Variants in CTPS2 observed in about 807,000 individuals in gnomAD.
CTPS2 encodes CTP synthase II.
Under a neutral mutation model 46.8 loss-of-function variants are expected in CTPS2, and 19 were observed. The ratio of observed to expected loss-of-function variants is 0.41; its 90% confidence interval spans 0.28 to 0.60. The LOEUF is 0.60. CTPS2 is among the 20% of genes least tolerant of loss of function. The pLI is 0.35. For synonymous variants in CTPS2, 151 were observed against 165.2 expected, an observed-to-expected ratio of 0.91 and a Z score of 0.66; for missense variants, 286 against 447.6, an observed-to-expected ratio of 0.64 and a Z score of 3.26.
intron 17 of CTPS2, among the ~76,000 whole-genome samples, chrX:16,601,997 A>T (rs1455484549): frequency 9.0e-6 from 1 of 111,429 alleles, no homozygotes; most frequent in Non-Finnish European, 1.9e-5. Flanking sequence ...TAGACAAAAG[A>T]TGGAGTGAAT....
rs1199773389 is a variant in CTPS2, at chrX:16,588,410, CAGA to C, written c.*1404_*1406del. ...GACATGGTTAAGCATTATGAGAGCA[CAGA>C]AGAACAATACAGAAAGGCCATTTTC... On this transcript the variant is annotated 3_prime_UTR_variant, in exon 19 of 19. Transcript: ENST00000359276. The C allele has an allele frequency of 1.8e-5, 2 of 111,816 alleles. No individual in the cohort carries two copies. Among genetic ancestry groups the C allele is most frequent in the African/African-American group, 6.5e-5 (2 of 30,714 alleles). 9.2% of individuals were successfully genotyped at this position (111,816 alleles called of 1,213,427 possible). A position where few individuals can be genotyped will look rare whatever the true frequency, so the allele number is the denominator to read the frequency against.
chrX:16,608,229 T>TAAA (rs1356686957), intron 17 of CTPS2, among the ~76,000 whole-genome samples: 54 of 109,022 alleles, frequency 5.0e-4, no homozygotes, highest in African/African-American at 1.8e-3. Context: ...AATAAATAAA[T>TAAA]TAATTTAATT....
At chrX:16,670,521 C>G in intron 11 of CTPS2, 59 bp downstream of exon 11, 1 of 908,789 alleles carries the variant, frequency 1.1e-6, no homozygotes, top group Non-Finnish European at 1.6e-6. Flanking sequence ...AGTGTTACCC[C>G]TCCTAGGTGT....
chrX:16,643,388 G>A (rs1206723533), intron 13 of CTPS2, among the ~76,000 whole-genome samples: 1 of 109,748 alleles, frequency 9.1e-6, no homozygotes, highest in Non-Finnish European at 1.9e-5. Flanking sequence ...TTTCCACTTT[G>A]TAGCATCGGG....
intron 13 of CTPS2, among the ~76,000 whole-genome samples, chrX:16,652,853 G>A (rs1394524728): frequency 1.8e-5 from 2 of 111,653 alleles, no homozygotes; most frequent in Non-Finnish European, 3.8e-5. Flanking sequence ...GCATGGTTTA[G>A]AATCTAGTAA....
At chrX:16,696,893 C>T in intron 4 of CTPS2, among the ~76,000 whole-genome samples, 1 of 62,450 alleles carries the variant, frequency 1.6e-5, no homozygotes, top group Non-Finnish European at 2.5e-5. Context: ...GCATTTAATC[C>T]CCAATCCTGT....
At chrX:16,619,112 C>A (rs1343619863) in intron 15 of CTPS2, among the ~76,000 whole-genome samples, 1 of 112,421 alleles carries the variant, frequency 8.9e-6, no homozygotes. Flanking sequence ...CCAAAAATGT[C>A]CTACATGTAC....
At chrX:16,705,792 G>A (rs771718321) in intron 1 of CTPS2, among the ~76,000 whole-genome samples, 31 of 110,554 alleles carry the variant, frequency 2.8e-4, no homozygotes, top group Non-Finnish European at 4.2e-4. Flanking sequence ...CCCTTTGCAG[G>A]CTGTTACAGC....
At chrX:16,685,458 T>C (rs759741036) in intron 8 of CTPS2, among the ~76,000 whole-genome samples, 1 of 110,546 alleles carries the variant, frequency 9.0e-6, no homozygotes, top group East Asian at 2.9e-4. Context: ...CACTCAGCCA[T>C]CAGCCATCAC....
At chrX:16,599,429 C>T (rs892256160) in intron 17 of CTPS2, among the ~76,000 whole-genome samples, 3 of 110,536 alleles carry the variant, frequency 2.7e-5, no homozygotes, top group African/African-American at 9.9e-5. Flanking sequence ...AAGACTTTAC[C>T]ACAATGGTCA....
chrX:16,617,926 G>A (rs1036146754), intron 15 of CTPS2, among the ~76,000 whole-genome samples: 2 of 111,688 alleles, frequency 1.8e-5, no homozygotes, highest in Admixed American at 1.9e-4. Context: ...ACCAGTTCTC[G>A]TATTGTCATT....
chrX:16,649,658 A>G (rs1403535352), intron 13 of CTPS2, among the ~76,000 whole-genome samples: 1 of 111,017 alleles, frequency 9.0e-6, no homozygotes, highest in African/African-American at 3.3e-5. Context: ...CACCTGGCTG[A>G]TTTTTTAAAT....
chrX:16,674,817 A>G (rs771868839), intron 10 of CTPS2, among the ~76,000 whole-genome samples: 4 of 106,664 alleles, frequency 3.8e-5, no homozygotes, highest in East Asian at 3.0e-4. Context: ...CAGCCTGGGC[A>G]ACAAGGCGAG....
chrX:16,699,232 T>C, intron 2 of CTPS2, 139 bp from the exon 3 acceptor site: 1 of 391,747 alleles, frequency 2.6e-6, no homozygotes, highest in Non-Finnish European at 4.3e-6. Context: ...TTGGTGGAGA[T>C]ATTAACAATT....
chrX:16,663,179 G>A lies in CTPS2; in HGVS notation c.1296+4335C>T, dbSNP rs112673419. On this transcript the variant is annotated intron_variant, in intron 13 of 18. Transcript: ENST00000359276. ...TGGTTTTGTTTTGAGACAGGGTCTC[G>A]CTCTGTCACCCAGGCTGGAATGCAG... 8.9e-4 allele frequency among the ~76,000 whole-genome samples: 99 copies of A among 111,608 alleles called. 1 individual carries two copies. Among genetic ancestry groups the A allele is most frequent in the African/African-American group, 3.0e-3 (93 of 30,748 alleles).
At chrX:16,639,548 C>T (rs1236727978) in intron 13 of CTPS2, among the ~76,000 whole-genome samples, 1 of 110,362 alleles carries the variant, frequency 9.1e-6, no homozygotes, top group Non-Finnish European at 1.9e-5. Context: ...CCTCACACTT[C>T]GAGATCTGGA....
chrX:16,633,081 TTTG>T (rs1273520993), intron 14 of CTPS2, among the ~76,000 whole-genome samples: 10 of 61,540 alleles, frequency 1.6e-4, no homozygotes, highest in African/African-American at 6.4e-4. Flanking sequence ...TTTCTTTTCT[TTTG>T]TTTTTTTTTT....
intron 11 of CTPS2, 151 bp from the exon 12 acceptor site, chrX:16,667,875 A>G: frequency 2.0e-6 from 1 of 496,759 alleles, no homozygotes; most frequent in Admixed American, 3.6e-5. Context: ...CTGTCCTCTC[A>G]GAAGAATCCC....
At chrX:16,604,965 C>T (rs914931940) in intron 17 of CTPS2, among the ~76,000 whole-genome samples, 3 of 111,971 alleles carry the variant, frequency 2.7e-5, no homozygotes, top group African/African-American at 6.5e-5. Flanking sequence ...TAGTTAGACT[C>T]GTGTAAAAAA....
Sources: gnomAD v4.1 joint callset for allele counts (sites outside exome capture counted in the v4.1 genomes callset) on GRCh38, gnomAD v4.1.1 for gene constraint, MANE v1.5 for transcripts, NCBI Gene and HGNC (gene_info 2026-07-23, HGNC 2026-07-21) for gene names.